The following MYBL1 variants were observed in gnomAD, a reference collection of about 807,000 sequenced individuals.
The protein encoded by MYBL1 is myb-related protein A.
A neutral mutation model predicts 96.3 loss-of-function variants in MYBL1; 17 were observed. That is an observed-to-expected ratio of 0.18 (90% CI 0.12 to 0.26). MYBL1 has a LOEUF of 0.26. Ranked by LOEUF, MYBL1 falls within the 10% of genes least tolerant of loss-of-function variation. The probability of loss-of-function intolerance (pLI) is 1.00; values close to 1 mark genes in which losing one functional copy is unlikely to be tolerated. For synonymous variants in MYBL1, 282 were observed against 292.7 expected (o/e 0.96, Z 0.37); for missense variants, 701 against 882.9 (o/e 0.79, Z 2.61).
At chr8:66,591,087 C>T (rs372106920) in intron 8 of MYBL1, among the ~76,000 whole-genome samples, 8 of 152,172 alleles carry the variant, frequency 5.3e-5, no homozygotes, top group Admixed American at 3.9e-4. Flanking sequence ...CGGTGGCTCA[C>T]GCCCTAATCC....
intron 12 of MYBL1, among the ~76,000 whole-genome samples, chr8:66,571,191 C>G (rs889507763): frequency 6.6e-6 from 1 of 152,106 alleles, no homozygotes; most frequent in Non-Finnish European, 1.5e-5. Context: ...GCCTAAAATG[C>G]CCATCACTGT....
At chr8:66,589,647 T>C (rs1809558454) in intron 8 of MYBL1, among the ~76,000 whole-genome samples, 1 of 151,996 alleles carries the variant, frequency 6.6e-6, no homozygotes, top group South Asian at 2.1e-4. Flanking sequence ...TGCCTATCTA[T>C]TTCTTTTTAA....
chr8:66,602,413 A>G lies in MYBL1; in HGVS notation c.126+5T>C. 6.4e-7 allele frequency: 1 copy of G among 1,567,116 alleles called. No individual in the cohort carries two copies. The highest frequency in any genetic ancestry group is 1.4e-5 in the African/African-American group (1 of 72,796). ...AGAAACTATGAAACCTTGTCAGATAATTACCTCGTCCCTTGTCCATTTTAC... is the reference window on the plus strand; with the variant it reads ...AGAAACTATGAAACCTTGTCAGATAGTTACCTCGTCCCTTGTCCATTTTAC... On this transcript the variant is annotated splice_donor_5th_base_variant and intron_variant, in intron 2 of 15. Transcript: ENST00000522677.
chr8:66,591,303 C>T (rs574347905), intron 8 of MYBL1, among the ~76,000 whole-genome samples: 25 of 151,734 alleles, frequency 1.6e-4, no homozygotes, highest in Admixed American at 1.4e-3. Flanking sequence ...GCCAAGATCA[C>T]GCCACTGCAC....
intron 3 of MYBL1, among the ~76,000 whole-genome samples, chr8:66,600,934 G>A (rs958138178): frequency 1.3e-5 from 2 of 151,964 alleles, no homozygotes; most frequent in African/African-American, 4.8e-5. Context: ...ACTCTGGGAG[G>A]CCGAGGCAGT....
chr8:66,592,445 G>A lies in MYBL1; in HGVS notation c.862C>T (p.Pro288Ser). ...ATAACAAGCTTATTTCTTACTGATGGAATTCGCTTTCTTCTAACTTCATTC... is the reference window on the plus strand; with the variant it reads ...ATAACAAGCTTATTTCTTACTGATGAAATTCGCTTTCTTCTAACTTCATTC... ...AENEVRRKRIPSQPGSFSSWS... is the reference protein window; with the variant it reads ...AENEVRRKRISSQPGSFSSWS... The change falls in exon 8 of 16, where the codon CCA becomes TCA. Residue 288 changes from proline to serine, a missense_variant. By Grantham distance (74) the Pro-to-Ser change is moderately conservative. Coordinates refer to ENST00000522677, the MANE Select transcript of MYBL1 (RefSeq NM_001080416.4). 1 of 1,575,508 alleles carries A rather than the reference G, an allele frequency of 6.3e-7. No homozygotes were observed. Among genetic ancestry groups the A allele is most frequent in the Non-Finnish European group, 8.6e-7 (1 of 1,159,956 alleles).
intron 4 of MYBL1, 115 bp from the exon 5 acceptor site, chr8:66,597,665 G>T: frequency 1.5e-6 from 1 of 664,960 alleles, no homozygotes; most frequent in Non-Finnish European, 2.4e-6. Flanking sequence ...ACTACAATTT[G>T]TTAAAAAAAA....
intron 8 of MYBL1, among the ~76,000 whole-genome samples, chr8:66,583,450 A>G (rs548909386): frequency 7.2e-5 from 11 of 152,264 alleles, no homozygotes; most frequent in African/African-American, 1.2e-4. Flanking sequence ...CAAAGCTAGC[A>G]GAGGAAAATA....
intron 2 of MYBL1, 32 bp downstream of exon 2, chr8:66,602,386 T>C (rs1810110212): frequency 6.8e-7 from 1 of 1,474,416 alleles, no homozygotes; most frequent in South Asian, 1.2e-5. Context: ...TAAATACATG[T>C]AAGAAACTAT....
In MYBL1 at chr8:66,612,924, C is replaced by G; in HGVS notation, c.-86G>C. The G allele has an allele frequency of 7.8e-7, 1 of 1,289,120 alleles. No individual in the cohort carries two copies. Among genetic ancestry groups the G allele is most frequent in the Non-Finnish European group, 1.0e-6 (1 of 996,474 alleles). The allele number at this position is 1,289,120 out of a possible 1,614,324, so 79.9% of individuals were successfully genotyped here. On this transcript the variant is annotated 5_prime_UTR_variant, in exon 1 of 16. Coordinates refer to ENST00000522677, the MANE Select transcript of MYBL1 (RefSeq NM_001080416.4). ...CGGCGAATGCTCCTTCTCCCCGATC[C>G]TCTAGCCGCTTCCCTCGCTCCCTCT...
chr8:66,582,397 T>A (rs1809248841), intron 8 of MYBL1, among the ~76,000 whole-genome samples: 1 of 151,812 alleles, frequency 6.6e-6, no homozygotes, highest in African/African-American at 2.4e-5. Flanking sequence ...TATACTCATA[T>A]CAGATAAAGC....
At chr8:66,596,706 A>G (rs1043924124) in intron 5 of MYBL1, among the ~76,000 whole-genome samples, 1 of 152,218 alleles carries the variant, frequency 6.6e-6, no homozygotes, top group Non-Finnish European at 1.5e-5. Flanking sequence ...ACAAATGCGT[A>G]TCTTCTAAGT....
intron 10 of MYBL1, 150 bp downstream of exon 10, chr8:66,575,857 T>C (rs1178258315): frequency 5.2e-6 from 3 of 573,380 alleles, no homozygotes; most frequent in Non-Finnish European, 8.2e-6. Flanking sequence ...ATACTTTCTA[T>C]TCTCTCAGAG....
chr8:66,581,172 C>T (rs1484860130), intron 8 of MYBL1, among the ~76,000 whole-genome samples: 1 of 152,164 alleles, frequency 6.6e-6, no homozygotes, highest in African/African-American at 2.4e-5. Context: ...AGTACTTCAT[C>T]TGATTATACA....
intron 15 of MYBL1, 80 bp downstream of exon 15, chr8:66,565,984 A>G (rs1808487307): frequency 1.0e-6 from 1 of 956,408 alleles, no homozygotes; most frequent in Admixed American, 3.4e-5. Context: ...AAGAAAAAGT[A>G]TAATTTGTGA....
rs892264701 is a variant in MYBL1 at position 66,612,868 on chromosome 8, G to A, written c.-30C>T. The A allele has an allele frequency of 8.2e-6, 11 of 1,346,212 alleles. No homozygotes were observed. In the African/African-American group the frequency reaches 1.7e-4, roughly 20 times the overall value. 83.4% of individuals were successfully genotyped at this position (1,346,212 alleles called of 1,614,324 possible). A position where few individuals can be genotyped will look rare whatever the true frequency, so the allele number is the denominator to read the frequency against. ...CAAGTACCGCATAGGAGCAGGCTGG[G>A]CGGGGACGCGGGTCAGCCTCCTCCA... On this transcript the variant is annotated 5_prime_UTR_variant, in exon 1 of 16. Coordinates refer to ENST00000522677, the MANE Select transcript of MYBL1 (RefSeq NM_001080416.4).
chr8:66,599,114 C>T lies in MYBL1; in HGVS notation c.227G>A (p.Arg76Gln), dbSNP rs1809965525. ...TTCAGGATTTAAAACTTTCTGCCATCGATGCTGGCACTGAAAATCAGAGCG... is the reference window on the plus strand; with the variant it reads ...TTCAGGATTTAAAACTTTCTGCCATTGATGCTGGCACTGAAAATCAGAGCG... The part of the protein sequence containing the change: ...QNRSDFQCQH[R>Q]WQKVLNPELI... Residue 76 changes from arginine (R) to glutamine (Q), a missense_variant, in exon 4 of 16, where the codon CGA becomes CAA. Arg to Gln is a conservative substitution (Grantham distance 43). Around this residue, in one of 5 missense-constraint regions of MYBL1, gnomAD observed 68 missense variants for 93.8 expected, o/e 0.72. Coordinates refer to ENST00000522677, the MANE Select transcript of MYBL1 (RefSeq NM_001080416.4). 1 of 1,597,576 alleles carries T rather than the reference C, an allele frequency of 6.3e-7. No homozygotes were observed. Among genetic ancestry groups the T allele is most frequent in the Middle Eastern group, 1.7e-4 (1 of 6,012 alleles).
chr8:66,592,662 A>C lies in MYBL1; in HGVS notation c.763-118T>G, dbSNP rs540040951. On this transcript the variant is annotated intron_variant, in intron 7 of 15. Transcript: ENST00000522677. Reference sequence around the variant, plus strand: ...AATATACTTTTTCTAATAAAGCTTAATGCTACTAAATACTAACTACTCATT... The same window carrying C: ...AATATACTTTTTCTAATAAAGCTTACTGCTACTAAATACTAACTACTCATT... 268 of 611,528 alleles carry C rather than the reference A, an allele frequency of 4.4e-4. 1 individual carries two copies. Among genetic ancestry groups the C allele is most frequent in the South Asian group, 1.0e-3 (44 of 42,378 alleles). The allele number at this position is 611,528 out of a possible 1,614,324, so 37.9% of individuals were successfully genotyped here.
At chr8:66,597,867 A>C (rs1176969458) in intron 4 of MYBL1, among the ~76,000 whole-genome samples, 3 of 150,902 alleles carry the variant, frequency 2.0e-5, no homozygotes, top group East Asian at 3.9e-4. Context: ...AAAAAAAAAA[A>C]AAAAAACGCT....
Sources: allele counts gnomAD v4.1 joint callset (sites outside exome capture counted in the v4.1 genomes callset), GRCh38; gene constraint gnomAD v4.1.1; regional missense constraint gnomAD v4.1.1; transcripts MANE v1.5; gene names NCBI Gene and HGNC (gene_info 2026-07-23, HGNC 2026-07-21).